TOR3A: variants seen among roughly 807,000 people sequenced by gnomAD.
TOR3A encodes the protein torsin family 3 member A, also known as torsin-3A.
In TOR3A, 44 loss-of-function variants were observed where a neutral mutation model predicts 42.1. The ratio of observed to expected loss-of-function variants is 1.04; its 90% CI spans 0.82 to 1.34. The LOEUF (loss-of-function observed/expected upper bound fraction) is 1.34, where lower values mean the gene tolerates loss of function less well. Among genes scored for constraint, TOR3A ranks in the 40% most tolerant of loss-of-function variants. The probability of loss-of-function intolerance (pLI) is 0.00; values close to 1 mark genes in which losing one functional copy is unlikely to be tolerated. For missense variants in TOR3A, 521 were observed against 507.6 expected (o/e 1.03, Z -0.25); for synonymous variants, 227 against 213.2 (o/e 1.06, Z -0.57).
At position 179,087,909 on chromosome 1, in the gene TOR3A, A is replaced by C; in HGVS notation, c.640-2A>C. 3.2e-6 allele frequency: 5 copies of C among 1,578,748 alleles called. No homozygotes were observed. The highest frequency in any genetic ancestry group is 4.3e-6 in the Non-Finnish European group (5 of 1,163,660). ...CCCAGCTGCTCCCTATATCCCGTGC[A>C]GGAGCAGCTGATGAGCCAGATCCGG... On this transcript the variant is annotated splice_acceptor_variant, in intron 3 of 5. Transcript: ENST00000367627. LOFTEE classifies it high-confidence loss of function.
At position 179,095,296 on chromosome 1, in the gene TOR3A, G is replaced by T; in HGVS notation, c.*78G>T. ...GGACCTGTAGGAGCACCCCGTTTGG[G>T]ACTGTGAGGTGTTTGAGGGTGTGGA... On this transcript the variant is annotated 3_prime_UTR_variant, in exon 6 of 6. Transcript: ENST00000367627. 1 of 1,583,728 alleles carries T rather than the reference G, an allele frequency of 6.3e-7. No homozygotes were observed. The highest frequency in any genetic ancestry group is 1.2e-5 in the South Asian group (1 of 85,444).
At chr1:179,088,855 CTTG>C (rs1202765061) in intron 4 of TOR3A, among the ~76,000 whole-genome samples, 1 of 152,186 alleles carries the variant, frequency 6.6e-6, no homozygotes, top group Non-Finnish European at 1.5e-5. Flanking sequence ...AGTTTGGGCC[CTTG>C]TTGACCCAAT....
chr1:179,088,937 C>G (rs1469405139), intron 4 of TOR3A, among the ~76,000 whole-genome samples: 1 of 152,304 alleles, frequency 6.6e-6, no homozygotes, highest in East Asian at 1.9e-4. Context: ...AACTCCACTC[C>G]GGCCTCGCCT....
chr1:179,093,237 C>A (rs1446716772), intron 4 of TOR3A, among the ~76,000 whole-genome samples: 2 of 152,160 alleles, frequency 1.3e-5, no homozygotes. Flanking sequence ...CTCTCCTTAT[C>A]CCCTTTCTCC....
intron 2 of TOR3A, among the ~76,000 whole-genome samples, chr1:179,084,871 G>A (rs1652386987): frequency 1.3e-5 from 2 of 152,210 alleles, no homozygotes; most frequent in South Asian, 4.1e-4. Context: ...CTGACAGGAG[G>A]AAGTTAGACC....
At position 179,095,936 on chromosome 1, in the gene TOR3A, G is replaced by A. The variant is rs1331667251; in HGVS notation, c.*718G>A. ...GGGGACCTTTTCAAAGACAATAGGG[G>A]GTCTTGACATGTTTGTTGTATGTAA... On this transcript the variant is annotated 3_prime_UTR_variant, in exon 6 of 6. Transcript: ENST00000367627. 3.1e-6 allele frequency: 3 copies of A among 983,426 alleles called. No individual in the cohort carries two copies. Among genetic ancestry groups the A allele is most frequent in the Admixed American group, 6.2e-5 (1 of 16,030 alleles). The allele number at this position is 983,426 out of a possible 1,614,324, so 60.9% of individuals were successfully genotyped here. A position where few individuals can be genotyped will look rare whatever the true frequency, so the allele number is the denominator to read the frequency against.
At chr1:179,088,300 G>C (rs913403390) in intron 4 of TOR3A, 9 of 411,712 alleles carry the variant, frequency 2.2e-5, no homozygotes, top group African/African-American at 1.8e-4. Flanking sequence ...TTGAGTCCAG[G>C]AGTTCAAGAC....
chr1:179,082,554 G>A (rs568892971), intron 1 of TOR3A, among the ~76,000 whole-genome samples, 167 bp downstream of exon 1: 1 of 152,354 alleles, frequency 6.6e-6, no homozygotes, highest in African/African-American at 2.4e-5. Context: ...GGAGCAGGGA[G>A]CCCCATCACC....
intron 4 of TOR3A, among the ~76,000 whole-genome samples, chr1:179,089,747 G>A (rs964039948): frequency 6.6e-6 from 1 of 152,132 alleles, no homozygotes; most frequent in African/African-American, 2.4e-5. Context: ...CACCGATGCG[G>A]AAGCCAGTCC....
intron 4 of TOR3A, among the ~76,000 whole-genome samples, chr1:179,089,892 G>A (rs557969807): frequency 9.9e-4 from 150 of 151,984 alleles, no homozygotes; most frequent in Non-Finnish European, 1.8e-3. Context: ...AGGTGGTGCC[G>A]GCCACACAGA....
chr1:179,095,349 C>T lies in TOR3A; in HGVS notation c.*131C>T, dbSNP rs878889806. The T allele has an allele frequency of 1.4e-5, 22 of 1,522,246 alleles. No individual in the cohort carries two copies. The South Asian group carries it at 2.9e-4, about 20-fold the overall frequency. The allele number at this position is 1,522,246 out of a possible 1,614,324, so 94.3% of individuals were successfully genotyped here. The stretch of plus-strand genomic sequence containing the variant: ...GGCATCCAGCAGCCACTAACAAACA[C>T]ACAACTGGTGTGTAAAAGGCAGGCC... On this transcript the variant is annotated 3_prime_UTR_variant, in exon 6 of 6. Transcript: ENST00000367627.
In TOR3A at chr1:179,082,301, T is replaced by C. The variant is rs1184956678; in HGVS notation, c.173T>C (p.Leu58Pro). 1 of 1,589,546 alleles carries C rather than the reference T, an allele frequency of 6.3e-7. No individual in the cohort carries two copies. Among genetic ancestry groups the C allele is most frequent in the South Asian group, 1.1e-5 (1 of 89,028 alleles). The change falls in exon 1 of 6, where the codon CTC (leucine) becomes CCC (proline). Residue 58 changes from leucine (L) to proline (P), a missense_variant. Leu to Pro is a moderately conservative substitution (Grantham distance 98). Coordinates refer to ENST00000367627, the MANE Select transcript of TOR3A (RefSeq NM_022371.4). Reference sequence around the variant, plus strand: ...GAGCAGCTCAGGGCGGCGGGTGCCCTCTCCAAGCGGTACTGGACGCTCTTC... The same window carrying C: ...GAGCAGCTCAGGGCGGCGGGTGCCCCCTCCAAGCGGTACTGGACGCTCTTC... ...LQEQLRAAGA[L>P]SKRYWTLFSC...
Position 179,087,536 on chromosome 1 carries a change from GGT to G in TOR3A, c.640-369_640-368del, listed in dbSNP as rs1384777164. Among the ~76,000 whole-genome samples, 6 of 152,322 alleles carry G rather than the reference GGT, an allele frequency of 3.9e-5. No individual in the cohort carries two copies. In the South Asian group the frequency reaches 1.2e-3, roughly 32 times the overall value. ...GTTGTAGAAGTAATGAAAGTTTGCG[GGT>G]GTGTGGACATTGTTAGCTCCTGGAT... On this transcript the variant is annotated intron_variant, in intron 3 of 5. Coordinates refer to ENST00000367627, the MANE Select transcript of TOR3A (RefSeq NM_022371.4).
chr1:179,088,732 G>A (rs1026791484), intron 4 of TOR3A, among the ~76,000 whole-genome samples: 1 of 152,206 alleles, frequency 6.6e-6, no homozygotes, highest in African/African-American at 2.4e-5. Flanking sequence ...CTGCACTGAG[G>A]TTCCTGTGCT....
At position 179,088,009 on chromosome 1, in the gene TOR3A, G is replaced by A; in HGVS notation, c.738G>A (p.Glu246=). 6.2e-7 allele frequency: 1 copy of A among 1,613,780 alleles called. No homozygotes were observed. Among genetic ancestry groups the A allele is most frequent in the East Asian group, 2.2e-5 (1 of 44,836 alleles). Residue 246 remains glutamate, a synonymous_variant, in exon 4 of 6, where the codon GAG becomes GAA. Transcript: ENST00000367627. ...EAEKLHPGLL[E]VLGPHLERRA... The stretch of plus-strand genomic sequence containing the variant: ...AGAAGCTGCACCCAGGGCTGCTGGA[G>A]GTCCTTGGGCCACACTTAGAACGCC...
chr1:179,090,798 C>T (rs773259163), intron 4 of TOR3A, among the ~76,000 whole-genome samples: 10 of 152,168 alleles, frequency 6.6e-5, no homozygotes, highest in African/African-American at 1.9e-4. Context: ...AGGACAGGAA[C>T]GTGGAACTCT....
At position 179,083,010 on chromosome 1, in the gene TOR3A, C is replaced by G. The variant is rs1295635148; in HGVS notation, c.330C>G (p.Asp110Glu). 6.3e-7 allele frequency: 1 copy of G among 1,586,006 alleles called. No individual in the cohort carries two copies. The highest frequency in any genetic ancestry group is 1.8e-5 in the Admixed American group (1 of 54,948). The change falls in exon 2 of 6, where the codon GAC (aspartate) becomes GAG (glutamate). Residue 110 changes from aspartate to glutamate, a missense_variant. Coordinates refer to ENST00000367627, the MANE Select transcript of TOR3A (RefSeq NM_022371.4). The stretch of plus-strand genomic sequence containing the variant: ...CCACGTGGTACTGCAGCTTCAAAGA[C>G]TGCTGCCCTAGAGGGGATTGCAGAA... ...LLTTWYCSFK[D>E]CCPRGDCRIS...
intron 4 of TOR3A, among the ~76,000 whole-genome samples, chr1:179,093,878 G>A (rs1652661436): frequency 6.6e-6 from 1 of 152,158 alleles, no homozygotes; most frequent in Non-Finnish European, 1.5e-5. Flanking sequence ...GTGTCAAGAG[G>A]GAACAAGAGA....
intron 2 of TOR3A, among the ~76,000 whole-genome samples, chr1:179,084,956 G>T (rs997624394): frequency 2.6e-5 from 4 of 152,198 alleles, no homozygotes. Flanking sequence ...ATAAAATCAG[G>T]CTTCTCCATA....
Sources: allele counts gnomAD v4.1 joint callset (sites outside exome capture counted in the v4.1 genomes callset), GRCh38; gene constraint gnomAD v4.1.1; transcripts MANE v1.5; gene names NCBI Gene and HGNC (gene_info 2026-07-23, HGNC 2026-07-21).